The following ANKRD30B variants were observed in gnomAD, a reference collection of about 807,000 sequenced individuals.
ANKRD30B encodes ankyrin repeat domain-containing protein 30B.
A neutral mutation model predicts 202.2 loss-of-function variants in ANKRD30B; 144 were observed. That is an observed-to-expected ratio of 0.71 (90% CI 0.62 to 0.82). The LOEUF (loss-of-function observed/expected upper bound fraction) is 0.82, where lower values mean the gene tolerates loss of function less well. ANKRD30B is among the 40% of genes least tolerant of loss of function. ANKRD30B has a pLI of 0.00. For missense variants in ANKRD30B, 1,487 were observed against 1,669.1 expected (o/e 0.89, Z 1.90); for synonymous variants, 508 against 561.3 (o/e 0.91, Z 1.34).
At chr18:14,885,615 C>G in the ANKRD30B span, among the ~76,000 whole-genome samples, 1 of 151,958 alleles carries the variant, frequency 6.6e-6, no homozygotes, top group Admixed American at 6.6e-5. Context: ...GCTTTTACTA[C>G]AGCTAGGTCC....
At chr18:14,936,483 G>A in the ANKRD30B span, among the ~76,000 whole-genome samples, 1 of 152,154 alleles carries the variant, frequency 6.6e-6, no homozygotes, top group African/African-American at 2.4e-5. Context: ...TGGGGATAGG[G>A]TGGAGAAACG....
chr18:14,864,491 C>T, the ANKRD30B span, among the ~76,000 whole-genome samples: 1 of 151,988 alleles, frequency 6.6e-6, no homozygotes, highest in Non-Finnish European at 1.5e-5. Context: ...CACCCTTTTT[C>T]TTCCTCCATC....
the ANKRD30B span, among the ~76,000 whole-genome samples, chr18:14,919,054 C>T: frequency 2.6e-5 from 4 of 152,152 alleles, no homozygotes; most frequent in Non-Finnish European, 5.9e-5. Flanking sequence ...GAGAGAACAA[C>T]CTTGTGTTTA....
intron 36 of ANKRD30B, among the ~76,000 whole-genome samples, chr18:14,838,492 G>A (rs1462115468): frequency 6.6e-6 from 1 of 152,194 alleles, no homozygotes. Flanking sequence ...CAATTTGGTT[G>A]AGTAGTATTT....
downstream of ANKRD30B, among the ~76,000 whole-genome samples, chr18:14,856,593 CTT>C (rs1427360987): frequency 3.6e-5 from 4 of 111,342 alleles, no homozygotes; most frequent in Non-Finnish European, 7.9e-5. Flanking sequence ...CAGAGGCGCT[CTT>C]CACTTCCCAG....
chr18:14,834,774 A>G (rs531270637), intron 34 of ANKRD30B, among the ~76,000 whole-genome samples: 4 of 151,984 alleles, frequency 2.6e-5, no homozygotes, highest in Non-Finnish European at 5.9e-5. Flanking sequence ...AAGTGATAAT[A>G]TGTACCCCCA....
At chr18:14,907,013 G>C in the ANKRD30B span, among the ~76,000 whole-genome samples, 5 of 152,264 alleles carry the variant, frequency 3.3e-5, no homozygotes, top group Admixed American at 1.3e-4. Context: ...CAATAGAAAG[G>C]AAATGTCTCA....
chr18:14,835,998 A>T (rs1406845513), intron 34 of ANKRD30B, among the ~76,000 whole-genome samples: 3 of 152,102 alleles, frequency 2.0e-5, no homozygotes, highest in African/African-American at 7.2e-5. Context: ...TCTTGAAATA[A>T]ATTTGGAAAT....
chr18:14,791,237 T>G (rs9709917), intron 15 of ANKRD30B, among the ~76,000 whole-genome samples, 164 bp from the exon 16 acceptor site: 50,241 of 151,934 alleles, frequency 0.33, 8,772 homozygotes, highest in Non-Finnish European at 0.39. Context: ...TGATGGTGAT[T>G]TCTATCAAAA....
At chr18:14,871,720 C>T in the ANKRD30B span, among the ~76,000 whole-genome samples, 25 of 152,056 alleles carry the variant, frequency 1.6e-4, no homozygotes, top group African/African-American at 5.3e-4. Context: ...TAGCAAGACC[C>T]TGTCCCTACA....
the ANKRD30B span, chr18:14,883,431 A>G: frequency 9.7e-6 from 1 of 103,478 alleles, no homozygotes; most frequent in Non-Finnish European, 1.9e-5. Flanking sequence ...ATATATCTAT[A>G]TATATCTCCT....
the ANKRD30B span, among the ~76,000 whole-genome samples, chr18:14,874,411 T>G: frequency 6.6e-6 from 1 of 152,318 alleles, no homozygotes; most frequent in African/African-American, 2.4e-5. Context: ...ATCGCTGGAC[T>G]TATTTGAAAA....
chr18:14,803,492 G>A, intron 23 of ANKRD30B: 1 of 430,170 alleles, frequency 2.3e-6, no homozygotes, highest in Non-Finnish European at 4.5e-6. Flanking sequence ...AGTGTGATTT[G>A]TTTTTCCTGC....
rs71305894 is a variant in ANKRD30B, at chr18:14,831,181, G to GAAAAAAAAA, written c.2775-191_2775-183dup. On this transcript the variant is annotated intron_variant, in intron 33 of 43. Transcript: ENST00000690538. ...GGCGACAGAGCGAGACTCCGTCTCGGAAAAAAAAAAAAAAAAAAACGAAAA... is the reference window on the plus strand; with the variant it reads ...GGCGACAGAGCGAGACTCCGTCTCGGAAAAAAAAAAAAAAAAAAAAAAAAAAAACGAAAA... Among the ~76,000 whole-genome samples, 252 of 52,256 alleles carry GAAAAAAAAA rather than the reference G, an allele frequency of 4.8e-3. 26 individuals are homozygous for GAAAAAAAAA. Among genetic ancestry groups the GAAAAAAAAA allele is most frequent in the African/African-American group, 9.0e-3 (120 of 13,396 alleles). 34.3% of individuals were successfully genotyped at this position (52,256 alleles called of 152,430 possible). A position where few individuals can be genotyped will look rare whatever the true frequency, so the allele number is the denominator to read the frequency against.
the ANKRD30B span, among the ~76,000 whole-genome samples, chr18:14,911,430 A>G: frequency 3.9e-5 from 6 of 151,930 alleles, no homozygotes; most frequent in Non-Finnish European, 7.4e-5. Flanking sequence ...AGATAATTTG[A>G]TTGTATATAT....
At chr18:14,876,845 T>C in the ANKRD30B span, among the ~76,000 whole-genome samples, 1 of 152,218 alleles carries the variant, frequency 6.6e-6, no homozygotes, top group African/African-American at 2.4e-5. Context: ...ATACGAGCTT[T>C]GTTTAGCCAG....
chr18:14,861,694 C>T, the ANKRD30B span, among the ~76,000 whole-genome samples: 1 of 151,362 alleles, frequency 6.6e-6, no homozygotes, highest in Non-Finnish European at 1.5e-5. Flanking sequence ...CAACACCCCA[C>T]CGACAGCAGT....
chr18:14,880,134 G>A, the ANKRD30B span, among the ~76,000 whole-genome samples: 6 of 151,964 alleles, frequency 3.9e-5, no homozygotes, highest in Admixed American at 1.3e-4. Context: ...GTGTTGAAAA[G>A]GGTGTCCTTT....
Position 14,851,982 on chromosome 18 carries a change from G to C in ANKRD30B, c.4038G>C (p.Glu1346Asp). The change falls in exon 42 of 44, where the codon GAG (glutamate) becomes GAC (aspartate). Residue 1346 changes from glutamate (E) to aspartate (D), a missense_variant. By Grantham distance (45) the Glu-to-Asp change is conservative (BLOSUM62 2). Transcript: ENST00000690538. ...TGAGTAATACAATATATAACAATGA[G>C]GTGCTCCATCAACCACTTTATGAAG... is the stretch of plus-strand genomic sequence containing the variant. The part of the protein sequence containing the change: ...VDVSNTIYNN[E>D]VLHQPLYEAQ... 1 of 1,599,404 alleles carries C rather than the reference G, an allele frequency of 6.3e-7. No individual in the cohort carries two copies. The highest frequency in any genetic ancestry group is 8.5e-7 in the Non-Finnish European group (1 of 1,171,940).
Sources: allele counts gnomAD v4.1 joint callset (sites outside exome capture counted in the v4.1 genomes callset), GRCh38; gene constraint gnomAD v4.1.1; transcripts MANE v1.5; gene names NCBI Gene and HGNC (gene_info 2026-07-23, HGNC 2026-07-21).